CPT1B: variants seen among roughly 807,000 people sequenced by gnomAD.
The protein encoded by CPT1B is carnitine O-palmitoyltransferase 1, muscle isoform.
CPT1B carries 57 observed loss-of-function variants against 92.7 expected under a neutral mutation model. That is an observed-to-expected ratio of 0.62 (90% CI 0.50 to 0.77). The LOEUF (loss-of-function observed/expected upper bound fraction) is 0.77. Among genes scored for constraint, CPT1B ranks in the 30% least tolerant of loss-of-function variants. The pLI, the probability that CPT1B is intolerant of heterozygous loss-of-function variation, is 0.00. For synonymous variants in CPT1B, 398 were observed against 383.5 expected, an observed-to-expected ratio of 1.04 and a Z score of -0.44; for missense variants, 983 against 1,017.4, an observed-to-expected ratio of 0.97 and a Z score of 0.46.
rs1409491190 is a variant in CPT1B at position 50,577,911 on chromosome 22, G to A, written c.5C>T (p.Ala2Val). 78 of 1,609,322 alleles carry A rather than the reference G, an allele frequency of 4.8e-5. No individual in the cohort carries two copies. Among genetic ancestry groups the A allele is most frequent in the African/African-American group, 6.7e-5 (5 of 74,878 alleles). M[A>V]EAHQAVAFQF... ...GAAGGCCACGGCCTGGTGAGCTTCC[G>A]CCATCCTGGGGGTTGGTCGGCACCT... is the stretch of plus-strand genomic sequence containing the variant. The change falls in exon 2 of 20, where the codon GCG (alanine) becomes GTG (valine). Residue 2 changes from alanine (A) to valine (V), a missense_variant. Transcript: ENST00000312108.
rs1247919820 is a variant in CPT1B at position 50,572,810 on chromosome 22, A to G, written c.1352+65T>C. The G allele has an allele frequency of 7.2e-6, 11 of 1,526,110 alleles. No homozygotes were observed. The South Asian group carries it at 8.1e-5, about 11-fold the overall frequency. 94.5% of individuals were successfully genotyped at this position (1,526,110 alleles called of 1,614,324 possible). A position where few individuals can be genotyped will look rare whatever the true frequency, so the allele number is the denominator to read the frequency against. ...ATAACCCTACCTTCTTTTATCTTTA[A>G]TCCTCTAACCATAACCCTAACTTTT... On this transcript the variant is annotated intron_variant, in intron 11 of 19. Coordinates refer to ENST00000312108, the MANE Select transcript of CPT1B (RefSeq NM_152246.3).
Position 50,572,982 on chromosome 22 carries a change from G to A in CPT1B, c.1245C>T (p.Ala415=), listed in dbSNP as rs759134037. Residue 415 remains alanine (A), a synonymous_variant, in exon 11 of 20, where the codon GCC becomes GCT. Transcript: ENST00000312108. The part of the protein sequence containing the change: ...NKAALEAIER[A]AFFVALDEES... ...CCTCATCCAGGGCCACGAAGAAAGC[G>A]GCACGCTCGATGGCCTCCAAGGCAG... 17 of 1,613,698 alleles carry A rather than the reference G, an allele frequency of 1.1e-5. No homozygotes were observed. Among genetic ancestry groups the A allele is most frequent in the Non-Finnish European group, 1.3e-5 (15 of 1,179,848 alleles).
At chr22:50,577,558 A>G (rs1433228509) in intron 2 of CPT1B, 95 bp from the exon 3 acceptor site, 1 of 1,524,660 alleles carries the variant, frequency 6.6e-7, no homozygotes, top group African/African-American at 1.4e-5. Flanking sequence ...TTGGCCTGGA[A>G]GGCTTTCTCT....
chr22:50,571,898 G>C (rs1221012454), intron 13 of CPT1B, 108 bp downstream of exon 13: 2 of 1,067,488 alleles, frequency 1.9e-6, no homozygotes, highest in African/African-American at 3.1e-5. Flanking sequence ...CCCGAGGGCT[G>C]GGCCAGGCAG....
Position 50,572,105 on chromosome 22 carries a change from G to T in CPT1B, c.1476C>A (p.Asp492Glu), listed in dbSNP as rs771178312. The change falls in exon 13 of 20, where the codon GAC becomes GAA. Residue 492 changes from aspartate (D) to glutamate (E), a missense_variant. Transcript: ENST00000312108. Reference protein sequence around the residue: ...GHLWEFVLGTDSFHLGYTETG... With the variant: ...GHLWEFVLGTESFHLGYTETG... ...TCTCCGTGTAGCCCAGGTGGAAGCT[G>T]TCTGTGCCCAGGACAAACTGCAGGG... 3 of 1,614,144 alleles carry T rather than the reference G, an allele frequency of 1.9e-6. No homozygotes were observed. Among genetic ancestry groups the T allele is most frequent in the Admixed American group, 1.7e-5 (1 of 60,026 alleles).
rs769497705 is a variant in CPT1B at position 50,576,997 on chromosome 22, G to A, written c.319C>T (p.Leu107Phe). The A allele has an allele frequency of 1.1e-5, 18 of 1,613,972 alleles. No homozygotes were observed. The highest frequency in any genetic ancestry group is 1.5e-5 in the Non-Finnish European group (18 of 1,180,044). ...CCCGTGGAGAAGATGGCCATGCTGAGAAGTGCCCGGGTCTGCGGGGTCTGG... is the reference window on the plus strand; with the variant it reads ...CCCGTGGAGAAGATGGCCATGCTGAAAAGTGCCCGGGTCTGCGGGGTCTGG... ...PYQTPQTRAL[L>F]SMAIFSTGVW... The change falls in exon 4 of 20, where the codon CTC becomes TTC. Residue 107 changes from leucine (L) to phenylalanine (F), a missense_variant. Leu to Phe is a conservative substitution (Grantham distance 22, BLOSUM62 0). Coordinates refer to ENST00000312108, the MANE Select transcript of CPT1B (RefSeq NM_152246.3).
intron 14 of CPT1B, 37 bp from the exon 15 acceptor site, chr22:50,571,329 C>T: frequency 6.2e-7 from 1 of 1,613,594 alleles, no homozygotes; most frequent in Non-Finnish European, 8.5e-7. Context: ...GCAGGTGGAC[C>T]CTGGTACCAC....
intron 16 of CPT1B, 110 bp downstream of exon 16, chr22:50,570,781 G>A: frequency 6.9e-7 from 1 of 1,441,286 alleles, no homozygotes; most frequent in Non-Finnish European, 9.5e-7. Context: ...ACTCCAGGGA[G>A]CTTCAGGGGA....
intron 4 of CPT1B, 67 bp from the exon 5 acceptor site, chr22:50,576,704 CCT>C (rs2070455596): frequency 1.3e-6 from 2 of 1,560,566 alleles, no homozygotes; most frequent in Non-Finnish European, 1.8e-6. Context: ...CCAGCAACTC[CCT>C]GAGACCCTCA....
At chr22:50,569,228 T>C in intron 19 of CPT1B, 108 bp downstream of exon 19, 1 of 1,073,740 alleles carries the variant, frequency 9.3e-7, no homozygotes, top group Admixed American at 2.1e-5. Context: ...GCCGGAGCTG[T>C]CCTTGGAGCC....
chr22:50,570,574 A>G (rs2070116810), intron 16 of CPT1B, among the ~76,000 whole-genome samples, 168 bp from the exon 17 acceptor site: 1 of 152,078 alleles, frequency 6.6e-6, no homozygotes, highest in South Asian at 2.1e-4. Flanking sequence ...GGCTTGTGTG[A>G]GCTGCCCAGC....
In CPT1B at chr22:50,574,339, G is replaced by C. The variant is rs2070331888; in HGVS notation, c.966C>G (p.Asp322Glu). ...GCAGCGAGGGGGCTCAGTTACCTGT[G>C]TCCTTGCCCGGGATCCGAGTGGTGT... is the stretch of plus-strand genomic sequence containing the variant. ...MFNTTRIPGK[D>E]TDVLQHLSDS... The change falls in exon 9 of 20, where the codon GAC (aspartate) becomes GAG (glutamate). Residue 322 changes from aspartate (D) to glutamate (E), a missense_variant. By Grantham distance (45) the Asp-to-Glu change is conservative. Transcript: ENST00000312108. 11 of 1,612,004 alleles carry C rather than the reference G, an allele frequency of 6.8e-6. No individual in the cohort carries two copies. Among genetic ancestry groups the C allele is most frequent in the Non-Finnish European group, 9.3e-6 (11 of 1,179,022 alleles).
At position 50,572,788 on chromosome 22, in the gene CPT1B, A is replaced by T. The variant is rs912005953; in HGVS notation, c.1352+87T>A. 2.1e-6 allele frequency: 3 copies of T among 1,445,898 alleles called. No homozygotes were observed. In the African/African-American group the frequency reaches 4.2e-5, roughly 20 times the overall value. The allele number at this position is 1,445,898 out of a possible 1,614,324, so 89.6% of individuals were successfully genotyped here. ...TGTGTGCCACTGCACCCAGCTCATA[A>T]CCCTACCTTCTTTTATCTTTAATCC... On this transcript the variant is annotated intron_variant, in intron 11 of 19. Transcript: ENST00000312108.
chr22:50,572,737 G>T, intron 11 of CPT1B, 138 bp downstream of exon 11: 3 of 911,900 alleles, frequency 3.3e-6, no homozygotes, highest in East Asian at 2.6e-5. Context: ...CACCTGCCTT[G>T]GCCCCCAAAG....
Position 50,577,967 on chromosome 22 carries a change from C to T in CPT1B, c.-19-33G>A. On this transcript the variant is annotated intron_variant, in intron 1 of 19. Coordinates refer to ENST00000312108, the MANE Select transcript of CPT1B (RefSeq NM_152246.3). Reference sequence around the variant, plus strand: ...GGGGGCAGATGGGTGCGCGGGCGCGCTTAGGCCGGCCCCGCCGCCAGCCGC... The same window carrying T: ...GGGGGCAGATGGGTGCGCGGGCGCGTTTAGGCCGGCCCCGCCGCCAGCCGC... 2.0e-6 allele frequency: 3 copies of T among 1,534,000 alleles called. No homozygotes were observed. The South Asian group carries it at 3.5e-5, about 18-fold the overall frequency.
In CPT1B at chr22:50,569,685, G is replaced by A. The variant is rs777503593; in HGVS notation, c.2143-17C>T. ...ATCTGCTACCTGAGGGCAACAAGAAGGGTGAAGAAGGCATAAATCAAACCT... is the reference window on the plus strand; with the variant it reads ...ATCTGCTACCTGAGGGCAACAAGAAAGGTGAAGAAGGCATAAATCAAACCT... On this transcript the variant is annotated splice_polypyrimidine_tract_variant and intron_variant, in intron 17 of 19. Coordinates refer to ENST00000312108, the MANE Select transcript of CPT1B (RefSeq NM_152246.3). 2 of 1,589,350 alleles carry A rather than the reference G, an allele frequency of 1.3e-6. No individual in the cohort carries two copies. The highest frequency in any genetic ancestry group is 2.2e-5 in the South Asian group (2 of 90,556).
upstream of CPT1B, chr22:50,578,515 G>GA (rs1411522477): frequency 6.4e-6 from 1 of 156,234 alleles, no homozygotes; most frequent in Non-Finnish European, 1.4e-5. Context: ...CGGGGTCGGG[G>GA]AAAAACGTGG....
At chr22:50,570,815 C>A in intron 16 of CPT1B, 76 bp downstream of exon 16, 1 of 1,553,298 alleles carries the variant, frequency 6.4e-7, no homozygotes, top group Non-Finnish European at 8.8e-7. Flanking sequence ...ACAGGCCGTG[C>A]TCCATCATGA....
intron 13 of CPT1B, among the ~76,000 whole-genome samples, 165 bp from the exon 14 acceptor site, chr22:50,571,704 C>G (rs1488312572): frequency 1.3e-5 from 2 of 152,328 alleles, no homozygotes; most frequent in East Asian, 3.9e-4. Flanking sequence ...AATCAGCCCC[C>G]AGAGGCCGGG....
Sources: allele counts gnomAD v4.1 joint callset (sites outside exome capture counted in the v4.1 genomes callset), GRCh38; gene constraint gnomAD v4.1.1; transcripts MANE v1.5; gene names NCBI Gene and HGNC (gene_info 2026-07-23, HGNC 2026-07-21).